The following PACSIN1 variants were observed in gnomAD, a reference collection of about 807,000 sequenced individuals.
PACSIN1 encodes the protein protein kinase C and casein kinase substrate in neurons protein 1.
Under a neutral mutation model 59.5 loss-of-function variants are expected in PACSIN1, and 15 were observed. That is an observed-to-expected ratio of 0.25 (90% CI 0.17 to 0.39). The LOEUF is 0.39. Ranked by LOEUF, PACSIN1 falls within the 10% of genes least tolerant of loss-of-function variation. The pLI, the probability that PACSIN1 is intolerant of heterozygous loss-of-function variation, is 1.00. For missense variants in PACSIN1, 420 were observed against 580.2 expected, an observed-to-expected ratio of 0.72 and a Z score of 2.84; for synonymous variants, 210 against 220.6, an observed-to-expected ratio of 0.95 and a Z score of 0.42.
In PACSIN1 at chr6:34,528,684, T is replaced by C; in HGVS notation, c.263T>C (p.Met88Thr). The C allele has an allele frequency of 8.1e-6, 13 of 1,613,964 alleles. No homozygotes were observed. Among genetic ancestry groups the C allele is most frequent in the African/African-American group, 1.3e-5 (1 of 74,996 alleles). Residue 88 changes from methionine (M) to threonine (T), a missense_variant, in exon 4 of 10, where the codon ATG becomes ACG. Coordinates refer to ENST00000244458, the MANE Select transcript of PACSIN1 (RefSeq NM_020804.5). ...GSLERAWGAI[M>T]TEADKVSELH... is the part of the protein sequence containing the mutation. ...CTGGAGCGGGCCTGGGGTGCCATAA[T>C]GACAGAGGCAGACAAGGTGAGCGAG...
At chr6:34,513,250 A>G (rs2127265026) in intron 1 of PACSIN1, among the ~76,000 whole-genome samples, 1 of 152,356 alleles carries the variant, frequency 6.6e-6, no homozygotes, top group African/African-American at 2.4e-5. Flanking sequence ...CACTGGCAGC[A>G]GCCTTGTGAT....
At chr6:34,499,661 T>C (rs911437439) in intron 1 of PACSIN1, among the ~76,000 whole-genome samples, 1 of 151,910 alleles carries the variant, frequency 6.6e-6, no homozygotes, top group Non-Finnish European at 1.5e-5. Flanking sequence ...GCAGGCATGG[T>C]GACGGGCACC....
chr6:34,478,007 C>T (rs1766662137), intron 1 of PACSIN1, among the ~76,000 whole-genome samples: 2 of 151,698 alleles, frequency 1.3e-5, no homozygotes, highest in Non-Finnish European at 2.9e-5. Flanking sequence ...CCCGCCTCAG[C>T]CTCCCAAAGT....
intron 1 of PACSIN1, among the ~76,000 whole-genome samples, chr6:34,483,561 C>T (rs1215015932): frequency 2.6e-5 from 4 of 151,294 alleles, no homozygotes; most frequent in Non-Finnish European, 1.5e-5. Flanking sequence ...AACCTCCAAA[C>T]TCCACCGCTC....
rs1034440507 is a variant in PACSIN1, at chr6:34,518,686, G to A, written c.-63-7557G>A. Among the ~76,000 whole-genome samples the A allele has an allele frequency of 6.6e-6, 1 of 152,250 alleles. No individual in the cohort carries two copies. Among genetic ancestry groups the A allele is most frequent in the Non-Finnish European group, 1.5e-5 (1 of 68,046 alleles). On this transcript the variant is annotated intron_variant, in intron 1 of 9. Transcript: ENST00000244458. The surrounding 1 kb of genome is among the most constrained non-coding windows in gnomAD (Gnocchi z 4.4). ...AACACACCTTTGACTCAGTCCAGGAGGGCAGGGGAGCTGGGGTATGTAAAC... is the reference window on the plus strand; with the variant it reads ...AACACACCTTTGACTCAGTCCAGGAAGGCAGGGGAGCTGGGGTATGTAAAC...
chr6:34,499,030 T>C (rs181672106), intron 1 of PACSIN1, among the ~76,000 whole-genome samples: 21 of 152,148 alleles, frequency 1.4e-4, no homozygotes, highest in Non-Finnish European at 2.1e-4. Flanking sequence ...TATAGGGTAC[T>C]TTGTTTCCAT....
chr6:34,498,796 C>CAAAAA (rs1228510694), intron 1 of PACSIN1, among the ~76,000 whole-genome samples: 58 of 95,582 alleles, frequency 6.1e-4, no homozygotes, highest in Admixed American at 4.3e-3. Flanking sequence ...GACTTTGTCT[C>CAAAAA]AAAAAAAAAA....
intron 1 of PACSIN1, among the ~76,000 whole-genome samples, chr6:34,513,623 G>T (rs2127265246): frequency 6.6e-6 from 1 of 152,160 alleles, no homozygotes; most frequent in South Asian, 2.1e-4. Context: ...ACTGTGCCCT[G>T]TCATAACTCC....
chr6:34,522,436 T>C (rs1581983348), intron 1 of PACSIN1, among the ~76,000 whole-genome samples: 5 of 152,316 alleles, frequency 3.3e-5, no homozygotes, highest in African/African-American at 1.2e-4. Context: ...AGTGTGGTGG[T>C]CAGGAGTGTG....
intron 1 of PACSIN1, among the ~76,000 whole-genome samples, chr6:34,474,633 T>G (rs1411330048): frequency 6.6e-6 from 1 of 151,322 alleles, no homozygotes; most frequent in African/African-American, 2.4e-5. Flanking sequence ...GTACTAAAAT[T>G]ACAAAAATTA....
At chr6:34,497,689 C>T (rs1190813904) in intron 1 of PACSIN1, among the ~76,000 whole-genome samples, 3 of 152,180 alleles carry the variant, frequency 2.0e-5, no homozygotes, top group Admixed American at 6.5e-5. Context: ...ATCCCTCCCA[C>T]GCTCTGCTGG....
chr6:34,493,381 C>T (rs7742005), intron 1 of PACSIN1, among the ~76,000 whole-genome samples: 65,402 of 151,946 alleles, frequency 0.43, 14,434 homozygotes, highest in East Asian at 0.56. Context: ...CATTCATGTG[C>T]GTGTCTTTTG....
At chr6:34,490,639 G>C (rs1222962749) in intron 1 of PACSIN1, among the ~76,000 whole-genome samples, 1 of 152,194 alleles carries the variant, frequency 6.6e-6, no homozygotes, top group African/African-American at 2.4e-5. Context: ...CCAACTAGCA[G>C]GTCTTCAGAG....
intron 4 of PACSIN1, 38 bp downstream of exon 4, chr6:34,528,915 G>GCCCGGGGGGGGGGGGGGGGGGGC: frequency 7.7e-6 from 5 of 653,170 alleles, no homozygotes; most frequent in Admixed American, 1.9e-5. Flanking sequence ...GGTGGGGTGG[G>GCCCGGGGGGGGGGGGGGGGGGGC]CCCGTCTGAT....
intron 1 of PACSIN1, among the ~76,000 whole-genome samples, chr6:34,470,248 T>A (rs1054065709): frequency 2.6e-5 from 4 of 151,528 alleles, no homozygotes; most frequent in Non-Finnish European, 5.9e-5. Flanking sequence ...AGTGGCGCGA[T>A]CTTGGCTCAT....
In PACSIN1 at chr6:34,532,414, T is replaced by C; in HGVS notation, c.1226-7T>C. ...CTCTGAGCCCCTCCCTGTGTTCTCT[T>C]TCCCAGGAGACGAACTCACCAAGCT... On this transcript the variant is annotated splice_region_variant and splice_polypyrimidine_tract_variant and intron_variant, in intron 9 of 9. Coordinates refer to ENST00000244458, the MANE Select transcript of PACSIN1 (RefSeq NM_020804.5). The surrounding 1 kb of genome is among the most constrained non-coding windows in gnomAD (Gnocchi z 5.2). 1 of 1,557,086 alleles carries C rather than the reference T, an allele frequency of 6.4e-7. No homozygotes were observed. Among genetic ancestry groups the C allele is most frequent in the Non-Finnish European group, 8.7e-7 (1 of 1,148,392 alleles).
At chr6:34,489,493 A>G (rs951923476) in intron 1 of PACSIN1, among the ~76,000 whole-genome samples, 1 of 152,096 alleles carries the variant, frequency 6.6e-6, no homozygotes, top group Admixed American at 6.6e-5. Flanking sequence ...CCACAGCCAC[A>G]CCTCCTTCAA....
rs930359296 is a variant in PACSIN1 at position 34,518,571 on chromosome 6, C to T, written c.-63-7672C>T. Among the ~76,000 whole-genome samples, 1 of 152,088 alleles carries T rather than the reference C, an allele frequency of 6.6e-6. No individual in the cohort carries two copies. Among genetic ancestry groups the T allele is most frequent in the African/African-American group, 2.4e-5 (1 of 41,402 alleles). On this transcript the variant is annotated intron_variant, in intron 1 of 9. Transcript: ENST00000244458. This position sits in a 1 kb window ranked among gnomAD's most constrained non-coding sequence, Gnocchi z 4.4. Reference sequence around the variant, plus strand: ...AAACACTGAGGGTGGGAAAATGACACAGGGAGACAAAAAAGGGTGCTTTAC... The same window carrying T: ...AAACACTGAGGGTGGGAAAATGACATAGGGAGACAAAAAAGGGTGCTTTAC...
chr6:34,524,969 G>A (rs1314304819), intron 1 of PACSIN1, among the ~76,000 whole-genome samples: 1 of 152,182 alleles, frequency 6.6e-6, no homozygotes, highest in Non-Finnish European at 1.5e-5. Context: ...AGGGACTGTG[G>A]CCCCAGGGAT....
Sources: gnomAD v4.1 joint callset for allele counts (sites outside exome capture counted in the v4.1 genomes callset) on GRCh38, gnomAD v4.1.1 for gene constraint, Gnocchi (gnomAD v3.1) non-coding constraint, MANE v1.5 for transcripts, NCBI Gene and HGNC (gene_info 2026-07-23, HGNC 2026-07-21) for gene names.